Variants in GULP1 observed in about 807,000 individuals in gnomAD.
The protein encoded by GULP1 is PTB domain-containing engulfment adapter protein 1.
In GULP1, 19 loss-of-function variants were observed where a neutral mutation model predicts 40.9. That is an observed-to-expected ratio of 0.46 (90% CI 0.32 to 0.68). The LOEUF (loss-of-function observed/expected upper bound fraction) is 0.68, where lower values mean the gene tolerates loss of function less well. Among genes scored for constraint, GULP1 ranks in the 30% least tolerant of loss-of-function variants. The pLI, the probability that GULP1 is intolerant of heterozygous loss-of-function variation, is 0.03. For missense variants in GULP1, 312 were observed against 362.2 expected, an observed-to-expected ratio of 0.86 and a Z score of 1.12; for synonymous variants, 119 against 117.6, an observed-to-expected ratio of 1.01 and a Z score of -0.08.
chr2:188,590,355 A>G (rs552509947), intron 11 of GULP1: 1 of 152,198 alleles, frequency 6.6e-6, no homozygotes, highest in Non-Finnish European at 1.5e-5. Flanking sequence ...TCTAAAGTCT[A>G]TGATGGCTTT....
intron 1 of GULP1, among the ~76,000 whole-genome samples, chr2:188,316,070 A>G (rs1434219156): frequency 1.3e-5 from 2 of 152,284 alleles, no homozygotes; most frequent in Non-Finnish European, 1.5e-5. Context: ...TGGAAGAAAA[A>G]GCCATGATAT....
chr2:188,303,893 A>G (rs1345149771), intron 1 of GULP1, among the ~76,000 whole-genome samples: 1 of 152,192 alleles, frequency 6.6e-6, no homozygotes, highest in Non-Finnish European at 1.5e-5. Context: ...AAGGGAGACC[A>G]GAGAATACAA....
At chr2:188,378,860 A>T (rs2048646718) in intron 1 of GULP1, among the ~76,000 whole-genome samples, 1 of 152,198 alleles carries the variant, frequency 6.6e-6, no homozygotes, top group Admixed American at 6.5e-5. Flanking sequence ...TAGCTGAATT[A>T]TTGCATATGT....
intron 1 of GULP1, among the ~76,000 whole-genome samples, chr2:188,361,122 A>G (rs2046022115): frequency 6.6e-6 from 1 of 152,124 alleles, no homozygotes; most frequent in Non-Finnish European, 1.5e-5. Flanking sequence ...CAGCATGTAA[A>G]ATACGTTCTG....
chr2:188,395,004 TAG>T (rs541679247), intron 2 of GULP1, among the ~76,000 whole-genome samples: 20 of 152,320 alleles, frequency 1.3e-4, no homozygotes, highest in African/African-American at 4.8e-4. Flanking sequence ...CTGTGTTGAA[TAG>T]TTCCAGCTTC....
chr2:188,341,901 G>A (rs895457983), intron 1 of GULP1, among the ~76,000 whole-genome samples: 22 of 152,180 alleles, frequency 1.4e-4, no homozygotes, highest in African/African-American at 5.3e-4. Context: ...CTTGTGGTTT[G>A]TATTATACCA....
chr2:188,364,500 C>G (rs1475732121), intron 1 of GULP1, among the ~76,000 whole-genome samples: 1 of 152,106 alleles, frequency 6.6e-6, no homozygotes, highest in African/African-American at 2.4e-5. Flanking sequence ...AGCTATAAGA[C>G]AGACTGTAAC....
At chr2:188,330,464 A>G (rs1040513047) in intron 1 of GULP1, among the ~76,000 whole-genome samples, 2 of 152,292 alleles carry the variant, frequency 1.3e-5, no homozygotes, top group South Asian at 4.1e-4. Context: ...TACAACTCTG[A>G]GAGGAGAACA....
At chr2:188,515,477 T>C (rs2065075096) in intron 4 of GULP1, among the ~76,000 whole-genome samples, 1 of 152,176 alleles carries the variant, frequency 6.6e-6, no homozygotes, top group Admixed American at 6.5e-5. Context: ...TTGAGTCTGG[T>C]ATCTCTAGTG....
chr2:188,556,102 A>G (rs1452532198), intron 7 of GULP1, among the ~76,000 whole-genome samples: 3 of 151,924 alleles, frequency 2.0e-5, no homozygotes, highest in African/African-American at 7.2e-5. Context: ...GAAGGTTTTC[A>G]TTGACTATTT....
intron 2 of GULP1, among the ~76,000 whole-genome samples, chr2:188,445,957 G>A (rs138436893): frequency 0.013 from 1,904 of 152,134 alleles, 54 homozygotes; most frequent in East Asian, 0.11. Context: ...CTGTAAACTC[G>A]TTTATGATCA....
intron 1 of GULP1, among the ~76,000 whole-genome samples, chr2:188,369,996 A>G (rs150660254): frequency 3.9e-4 from 60 of 152,214 alleles, no homozygotes; most frequent in African/African-American, 1.4e-3. Context: ...GTGTGTGCCA[A>G]CACACCTGGT....
intron 1 of GULP1, among the ~76,000 whole-genome samples, chr2:188,356,890 C>G (rs1168189048): frequency 6.6e-6 from 1 of 151,936 alleles, no homozygotes; most frequent in African/African-American, 2.4e-5. Context: ...AATAGAGAAC[C>G]CATAAGTAAA....
At chr2:188,370,150 C>T (rs2047410785) in intron 1 of GULP1, among the ~76,000 whole-genome samples, 1 of 152,180 alleles carries the variant, frequency 6.6e-6, no homozygotes, top group Non-Finnish European at 1.5e-5. Context: ...ACTCTCGTAT[C>T]TTCAGAGGGG....
At chr2:188,422,148 G>T (rs2055524563) in intron 2 of GULP1, among the ~76,000 whole-genome samples, 1 of 144,178 alleles carries the variant, frequency 6.9e-6, no homozygotes, top group African/African-American at 2.6e-5. Context: ...TTTAAATGTA[G>T]TTTTTAATCA....
intron 10 of GULP1, among the ~76,000 whole-genome samples, chr2:188,584,820 T>C (rs1702029195): frequency 6.6e-6 from 1 of 152,074 alleles, no homozygotes; most frequent in South Asian, 2.1e-4. Flanking sequence ...TTAAAAAATA[T>C]ATAAATTATA....
intron 2 of GULP1, among the ~76,000 whole-genome samples, chr2:188,428,783 A>G (rs1234502228): frequency 6.6e-6 from 1 of 152,168 alleles, no homozygotes; most frequent in Non-Finnish European, 1.5e-5. Context: ...CTTTGTAGCA[A>G]TGTCTAATGA....
intron 1 of GULP1, among the ~76,000 whole-genome samples, chr2:188,303,748 C>A (rs147711497): frequency 6.6e-6 from 1 of 152,280 alleles, no homozygotes; most frequent in African/African-American, 2.4e-5. Context: ...AGACCTCCTA[C>A]ATTACTGTGA....
chr2:188,475,249 A>G (rs1340077479), intron 2 of GULP1, among the ~76,000 whole-genome samples: 1 of 152,264 alleles, frequency 6.6e-6, no homozygotes, highest in Non-Finnish European at 1.5e-5. Flanking sequence ...CAAAAGAATG[A>G]CTTATCTGAT....
Sources: allele counts gnomAD v4.1 joint callset (sites outside exome capture counted in the v4.1 genomes callset), GRCh38; gene constraint gnomAD v4.1.1; transcripts MANE v1.5; gene names NCBI Gene and HGNC (gene_info 2026-07-23, HGNC 2026-07-21).